Variants in STK39 observed in about 807,000 individuals in gnomAD.
The protein encoded by STK39 is serine/threonine kinase 39.
STK39 carries 20 observed loss-of-function variants against 77.8 expected under a neutral mutation model. That is an observed-to-expected ratio of 0.26 (90% CI 0.18 to 0.37). The LOEUF (loss-of-function observed/expected upper bound fraction) is 0.37. Among genes scored for constraint, STK39 ranks in the 10% least tolerant of loss-of-function variants. The pLI is 1.00. For missense variants in STK39, 479 were observed against 656.5 expected (o/e 0.73, Z 2.95); for synonymous variants, 246 against 234.1 (o/e 1.05, Z -0.47).
At chr2:168,048,803 G>A (rs1217408133) in intron 14 of STK39, among the ~76,000 whole-genome samples, 4 of 152,142 alleles carry the variant, frequency 2.6e-5, no homozygotes, top group Admixed American at 6.5e-5. Context: ...AAAGCTAGGC[G>A]CCATGTCCAG....
chr2:168,197,633 G>A (rs991003626), intron 1 of STK39, among the ~76,000 whole-genome samples: 5 of 152,136 alleles, frequency 3.3e-5, no homozygotes, highest in African/African-American at 4.8e-5. Context: ...GAAATGTTAC[G>A]TATAACTAAA....
At chr2:167,966,282 C>T (rs1281274470) in intron 16 of STK39, among the ~76,000 whole-genome samples, 2 of 152,170 alleles carry the variant, frequency 1.3e-5, no homozygotes, top group Non-Finnish European at 2.9e-5. Context: ...GAAACATTGG[C>T]TCATGGAGTG....
intron 17 of STK39, among the ~76,000 whole-genome samples, chr2:167,962,112 G>C (rs1691998566): frequency 6.6e-6 from 1 of 152,144 alleles, no homozygotes; most frequent in African/African-American, 2.4e-5. Context: ...CTGTTCTTTA[G>C]ACAATTTTCA....
chr2:168,030,581 G>A (rs1325356848), intron 14 of STK39, among the ~76,000 whole-genome samples: 1 of 152,172 alleles, frequency 6.6e-6, no homozygotes, highest in Non-Finnish European at 1.5e-5. Context: ...TAATTAATAA[G>A]AAGTGTTAAC....
intron 16 of STK39, among the ~76,000 whole-genome samples, chr2:167,998,782 A>T (rs1374170594): frequency 6.6e-6 from 1 of 152,184 alleles, no homozygotes; most frequent in East Asian, 1.9e-4. Context: ...ACATAAATGA[A>T]CCCAGAACAC....
intron 10 of STK39, among the ~76,000 whole-genome samples, chr2:168,114,357 T>C (rs1687203044): frequency 1.3e-5 from 2 of 152,222 alleles, no homozygotes; most frequent in South Asian, 4.1e-4. Context: ...ACTTGTATAA[T>C]ACACAACTCC....
rs200167402 is a variant in STK39 at position 167,955,590 on chromosome 2, G to A, written c.1564-20C>T. ...AGAAGCCTGAAAAGGGAAAAAGAAA[G>A]CCTCAATGCTGGTTTGCTGCTGCTG... On this transcript the variant is annotated intron_variant, in intron 17 of 17. Transcript: ENST00000355999. 36 of 1,610,658 alleles carry A rather than the reference G, an allele frequency of 2.2e-5. No individual in the cohort carries two copies. In the South Asian group the frequency reaches 4.0e-4, roughly 18 times the overall value.
At position 167,986,600 on chromosome 2, in the gene STK39, G is replaced by A. The variant is rs939375893; in HGVS notation, c.1499-21874C>T. Reference sequence around the variant, plus strand: ...CTTAGATACCTGAGCACCAGAAATGGATTTAGACTTTTAAGATAAGTAACA... The same window carrying A: ...CTTAGATACCTGAGCACCAGAAATGAATTTAGACTTTTAAGATAAGTAACA... On this transcript the variant is annotated intron_variant, in intron 16 of 17. Coordinates refer to ENST00000355999, the MANE Select transcript of STK39 (RefSeq NM_013233.3). Among the ~76,000 whole-genome samples the A allele has an allele frequency of 2.7e-4, 41 of 152,228 alleles. 1 individual carries two copies. Among genetic ancestry groups the A allele is most frequent in the Non-Finnish European group, 8.8e-5 (6 of 68,028 alleles).
intron 5 of STK39, among the ~76,000 whole-genome samples, chr2:168,141,470 T>C (rs935635843): frequency 6.6e-6 from 1 of 152,226 alleles, no homozygotes; most frequent in Admixed American, 6.5e-5. Context: ...ATACTCAACC[T>C]ATATATACAT....
chr2:168,232,981 C>T (rs1690498998), intron 1 of STK39, among the ~76,000 whole-genome samples: 1 of 151,930 alleles, frequency 6.6e-6, no homozygotes, highest in African/African-American at 2.4e-5. Flanking sequence ...AAGACAATCA[C>T]AAAAACGGCT....
At chr2:168,022,074 T>G (rs546871265) in intron 14 of STK39, among the ~76,000 whole-genome samples, 2 of 152,320 alleles carry the variant, frequency 1.3e-5, no homozygotes, top group East Asian at 3.9e-4. Context: ...AATTTCTCCA[T>G]GTTAGTTTGT....
intron 10 of STK39, among the ~76,000 whole-genome samples, chr2:168,112,394 G>T (rs1687142991): frequency 6.6e-6 from 1 of 151,954 alleles, no homozygotes; most frequent in South Asian, 2.1e-4. Context: ...TTGGATCATG[G>T]GGGTGGTTTC....
At chr2:168,003,957 G>A (rs1043295034) in intron 16 of STK39, among the ~76,000 whole-genome samples, 1 of 152,270 alleles carries the variant, frequency 6.6e-6, no homozygotes. Flanking sequence ...GACTTTCATC[G>A]TAAAAGTGTA....
At chr2:168,235,611 C>A (rs147346669) in intron 1 of STK39, among the ~76,000 whole-genome samples, 1 of 110,202 alleles carries the variant, frequency 9.1e-6, no homozygotes, top group Non-Finnish European at 1.8e-5. Flanking sequence ...CCCCTCCCCC[C>A]ACCCCACAAC....
At chr2:168,100,560 A>G (rs1686796289) in intron 10 of STK39, among the ~76,000 whole-genome samples, 1 of 152,148 alleles carries the variant, frequency 6.6e-6, no homozygotes, top group Non-Finnish European at 1.5e-5. Flanking sequence ...CACCTCACTC[A>G]GCCTTTTCAT....
chr2:168,117,929 T>C (rs1442898481), intron 10 of STK39, among the ~76,000 whole-genome samples: 1 of 152,096 alleles, frequency 6.6e-6, no homozygotes, highest in Non-Finnish European at 1.5e-5. Context: ...ACAGTACAAC[T>C]ATAGTAGAGT....
intron 1 of STK39, among the ~76,000 whole-genome samples, chr2:168,229,074 TA>T (rs1690381013): frequency 6.6e-6 from 1 of 152,012 alleles, no homozygotes; most frequent in African/African-American, 2.4e-5. Flanking sequence ...TACAACTTAA[TA>T]AAAGGTAAAA....
chr2:168,223,375 G>T (rs1366564521), intron 1 of STK39, among the ~76,000 whole-genome samples: 1 of 151,904 alleles, frequency 6.6e-6, no homozygotes, highest in Non-Finnish European at 1.5e-5. Flanking sequence ...AGCCGGGTGT[G>T]GTGGCACGTG....
chr2:168,234,990 CA>C (rs1191744166), intron 1 of STK39, among the ~76,000 whole-genome samples: 2,568 of 123,452 alleles, frequency 0.021, 80 homozygotes, highest in African/African-American at 0.07. Context: ...CCATCTCTAA[CA>C]AAAAAAAAAA....
Sources: gnomAD v4.1 joint callset for allele counts (sites outside exome capture counted in the v4.1 genomes callset) on GRCh38, gnomAD v4.1.1 for gene constraint, MANE v1.5 for transcripts, NCBI Gene and HGNC (gene_info 2026-07-23, HGNC 2026-07-21) for gene names.